TLE4: variants seen among roughly 807,000 people sequenced by gnomAD.
The protein encoded by TLE4 is TLE family member 4, transcriptional corepressor, also known as transducin-like enhancer protein 4.
A neutral mutation model predicts 92.8 loss-of-function variants in TLE4; 8 were observed. The ratio of observed to expected loss-of-function variants is 0.09; its 90% CI spans 0.05 to 0.16. The LOEUF is 0.16. TLE4 is among the 10% of genes least tolerant of loss of function. TLE4 has a pLI of 1.00. For missense variants in TLE4, 675 were observed against 997.6 expected (o/e 0.68, Z 4.36); for synonymous variants, 371 against 374.1 (o/e 0.99, Z 0.10).
intron 8 of TLE4, among the ~76,000 whole-genome samples, chr9:79,687,265 G>A (rs971177500): frequency 2.0e-5 from 3 of 152,136 alleles, no homozygotes; most frequent in South Asian, 2.1e-4. Context: ...CCATGGCCAC[G>A]TACAAGTTAT....
intron 8 of TLE4, among the ~76,000 whole-genome samples, chr9:79,672,434 T>C (rs1280464783): frequency 6.6e-6 from 1 of 152,138 alleles, no homozygotes; most frequent in Non-Finnish European, 1.5e-5. Context: ...GTTTAGGAGA[T>C]GTCTTTCAAG....
chr9:79,658,665 G>A (rs2060100206), intron 8 of TLE4, among the ~76,000 whole-genome samples: 1 of 152,160 alleles, frequency 6.6e-6, no homozygotes, highest in African/African-American at 2.4e-5. Context: ...TGGGTTTTTA[G>A]TCTGAATTAA....
At chr9:79,615,346 C>T (rs527620691) in intron 5 of TLE4, among the ~76,000 whole-genome samples, 7 of 152,240 alleles carry the variant, frequency 4.6e-5, no homozygotes, top group South Asian at 4.2e-4. Context: ...GTGACAGTCT[C>T]GCTACCAAAA....
chr9:79,585,054 C>T (rs530426646), intron 4 of TLE4, among the ~76,000 whole-genome samples: 1 of 152,206 alleles, frequency 6.6e-6, no homozygotes, highest in African/African-American at 2.4e-5. Flanking sequence ...AGCTAACTTC[C>T]CTGCAAATCA....
At position 79,722,820 on chromosome 9, in the gene TLE4, T is replaced by C. The variant is rs193147791; in HGVS notation, c.2138-139T>C. ...AGTGACTCGATTAAATCCAGAAAGA[T>C]AGGCTTTATTTTTGAAGTGAAAGTT... On this transcript the variant is annotated intron_variant, in intron 18 of 19. Transcript: ENST00000376552. The C allele has an allele frequency of 1.4e-5, 14 of 977,730 alleles. No individual in the cohort carries two copies. In the African/African-American group the frequency reaches 2.1e-4, roughly 15 times the overall value. 60.6% of individuals were successfully genotyped at this position (977,730 alleles called of 1,614,324 possible).
intron 19 of TLE4, among the ~76,000 whole-genome samples, 155 bp from the exon 20 acceptor site, chr9:79,724,878 AAAAG>A (rs2076225823): frequency 6.7e-6 from 1 of 149,114 alleles, no homozygotes; most frequent in Admixed American, 6.7e-5. Flanking sequence ...AAAAAAAAAA[AAAAG>A]CAGCAGTACT....
chr9:79,721,685 G>T (rs2075669137), intron 16 of TLE4, 56 bp from the exon 17 acceptor site: 1 of 1,608,974 alleles, frequency 6.2e-7, no homozygotes. Context: ...ATTCTAAATT[G>T]ATTTTAACTA....
At chr9:79,582,249 T>G (rs1460895043) in intron 4 of TLE4, among the ~76,000 whole-genome samples, 1 of 152,242 alleles carries the variant, frequency 6.6e-6, no homozygotes, top group Non-Finnish European at 1.5e-5. Flanking sequence ...TTGCTTTTAC[T>G]GTTAAAAGAA....
intron 8 of TLE4, among the ~76,000 whole-genome samples, chr9:79,661,086 G>A (rs2060470902): frequency 6.6e-6 from 1 of 151,968 alleles, no homozygotes; most frequent in Admixed American, 6.6e-5. Context: ...ATATTATAAC[G>A]TTTATAGTTA....
chr9:79,621,166 C>G (rs974522248), intron 5 of TLE4, among the ~76,000 whole-genome samples: 6 of 152,162 alleles, frequency 3.9e-5, no homozygotes, highest in Admixed American at 3.9e-4. Flanking sequence ...TTTGTACTAG[C>G]AAATTTAATA....
At chr9:79,676,483 G>A (rs1171153920) in intron 8 of TLE4, among the ~76,000 whole-genome samples, 1 of 152,074 alleles carries the variant, frequency 6.6e-6, no homozygotes, top group East Asian at 1.9e-4. Context: ...ACCCAACTAA[G>A]GTACTAAGAT....
chr9:79,725,904 G>A lies in TLE4; in HGVS notation c.*760G>A, dbSNP rs1479479036. 1 of 152,442 alleles carries A rather than the reference G, an allele frequency of 6.6e-6. No individual in the cohort carries two copies. The highest frequency in any genetic ancestry group is 1.5e-5 in the Non-Finnish European group (1 of 68,006). 9.4% of individuals were successfully genotyped at this position (152,442 alleles called of 1,614,324 possible). A position where few individuals can be genotyped will look rare whatever the true frequency, so the allele number is the denominator to read the frequency against. ...AGTTCCCTTTTTTTGTTGTATTATAGGCAGATGAACAAATTAAATTTGGCC... is the reference window on the plus strand; with the variant it reads ...AGTTCCCTTTTTTTGTTGTATTATAAGCAGATGAACAAATTAAATTTGGCC... On this transcript the variant is annotated 3_prime_UTR_variant, in exon 20 of 20. Transcript: ENST00000376552.
rs2069004664 is a variant in TLE4 at position 79,698,941 on chromosome 9, T to C, written c.610-5842T>C. Reference sequence around the variant, plus strand: ...GAGATAATAATATGTTAAAATGTTTTATCAGTTATAAAGAGCTCAATGAAT... The same window carrying C: ...GAGATAATAATATGTTAAAATGTTTCATCAGTTATAAAGAGCTCAATGAAT... On this transcript the variant is annotated intron_variant, in intron 8 of 19. Coordinates refer to ENST00000376552, the MANE Select transcript of TLE4 (RefSeq NM_007005.6). 2.0e-5 allele frequency among the ~76,000 whole-genome samples: 3 copies of C among 151,480 alleles called. No homozygotes were observed. In the South Asian group the frequency reaches 6.2e-4, roughly 31 times the overall value.
intron 8 of TLE4, among the ~76,000 whole-genome samples, chr9:79,687,063 T>C (rs1247761894): frequency 6.6e-6 from 1 of 152,240 alleles, no homozygotes; most frequent in African/African-American, 2.4e-5. Context: ...TCTGCCCACA[T>C]GCAGCTCACA....
chr9:79,688,689 G>A (rs1176897221), intron 8 of TLE4, among the ~76,000 whole-genome samples: 2 of 151,294 alleles, frequency 1.3e-5, no homozygotes, highest in Non-Finnish European at 3.0e-5. Context: ...TTAATTGTGG[G>A]GAAGAATGCC....
At chr9:79,595,371 C>T (rs771623824) in intron 4 of TLE4, among the ~76,000 whole-genome samples, 1 of 152,148 alleles carries the variant, frequency 6.6e-6, no homozygotes, top group Non-Finnish European at 1.5e-5. Context: ...GTACTTGTTA[C>T]TTGTGCAAAA....
chr9:79,681,614 T>C (rs2064609519), intron 8 of TLE4, among the ~76,000 whole-genome samples: 1 of 152,116 alleles, frequency 6.6e-6, no homozygotes, highest in Non-Finnish European at 1.5e-5. Flanking sequence ...TCTAAGTCCT[T>C]ATTCTAAGGA....
intron 8 of TLE4, among the ~76,000 whole-genome samples, chr9:79,690,022 C>G (rs181424633): frequency 1.3e-5 from 2 of 152,194 alleles, no homozygotes; most frequent in Admixed American, 6.6e-5. Context: ...AACCACTGCC[C>G]GGTCCTTTGA....
At chr9:79,717,918 C>A in intron 14 of TLE4, 1 of 454,646 alleles carries the variant, frequency 2.2e-6, no homozygotes, top group Admixed American at 2.4e-5. Flanking sequence ...CAGCCTCACT[C>A]GTCCCTTCCT....
Sources: allele counts gnomAD v4.1 joint callset (sites outside exome capture counted in the v4.1 genomes callset), GRCh38; gene constraint gnomAD v4.1.1; transcripts MANE v1.5; gene names NCBI Gene and HGNC (gene_info 2026-07-23, HGNC 2026-07-21).